CLCN5: variants seen among roughly 807,000 people sequenced by gnomAD.
The protein encoded by CLCN5 is Cl-/H+ antiporter 5.
Under a neutral mutation model 54.0 loss-of-function variants are expected in CLCN5, and 17 were observed. The ratio of observed to expected loss-of-function variants is 0.31; its 90% CI spans 0.22 to 0.47. The LOEUF (loss-of-function observed/expected upper bound fraction) is 0.47, where lower values mean the gene tolerates loss of function less well. Ranked by LOEUF, CLCN5 falls within the 20% of genes least tolerant of loss-of-function variation. The pLI is 1.00. For synonymous variants in CLCN5, 222 were observed against 233.0 expected (o/e 0.95, Z 0.43); for missense variants, 448 against 646.7 (o/e 0.69, Z 3.33).
chrX:49,944,281 C>T (rs1308002843), intron 3 of CLCN5, among the ~76,000 whole-genome samples: 16 of 111,724 alleles, frequency 1.4e-4, no homozygotes, highest in Non-Finnish European at 2.3e-4. Flanking sequence ...CTGAAGTTGC[C>T]TATCAGCTTA....
intron 9 of CLCN5, among the ~76,000 whole-genome samples, chrX:50,082,571 C>G (rs1216315097): frequency 9.0e-6 from 1 of 110,961 alleles, no homozygotes. Flanking sequence ...CCTCAGTCTC[C>G]CAAAGTGCTG....
chrX:49,979,934 A>C (rs1421453910), intron 3 of CLCN5, among the ~76,000 whole-genome samples: 1 of 111,323 alleles, frequency 9.0e-6, no homozygotes, highest in Non-Finnish European at 1.9e-5. Flanking sequence ...TTAAAAAAAA[A>C]ATTCTGCTGC....
chrX:49,970,442 C>G (rs1424066565), intron 3 of CLCN5, among the ~76,000 whole-genome samples: 1 of 111,178 alleles, frequency 9.0e-6, no homozygotes, highest in Admixed American at 9.6e-5. Flanking sequence ...CCTGAGCACT[C>G]TACCACCACT....
In CLCN5 at chrX:50,019,627, C is replaced by A. The variant is rs1485995406; in HGVS notation, c.17-22689C>A. ...TATCTCCCAATGCTATCCCTCCCCC[C>A]TCCCCCGACCCCACCACAGTCCCCA... On this transcript the variant is annotated intron_variant, in intron 3 of 14. Coordinates refer to ENST00000376091, the MANE Select transcript of CLCN5 (RefSeq NM_001127898.4). Among the ~76,000 whole-genome samples the A allele has an allele frequency of 3.4e-4, 16 of 46,547 alleles. No individual in the cohort carries two copies. The South Asian group carries it at 9.4e-3, about 27-fold the overall frequency. 40.4% of individuals were successfully genotyped at this position (46,547 alleles called of 115,157 possible).
chrX:50,086,675 C>A lies in CLCN5; in HGVS notation c.1362C>A (p.Leu454=), dbSNP rs1557194014. Residue 454 remains leucine, a synonymous_variant, in exon 11 of 15, where the codon CTC becomes CTA. Coordinates refer to ENST00000376091, the MANE Select transcript of CLCN5 (RefSeq NM_001127898.4). ...NEYTRMSTSE[L]ISELFNDCGL... Reference sequence around the variant, plus strand: ...ACACTCGGATGAGCACAAGTGAGCTCATTTCTGAGCTGTTTAATGACTGTG... The same window carrying A: ...ACACTCGGATGAGCACAAGTGAGCTAATTTCTGAGCTGTTTAATGACTGTG... 3 of 1,211,055 alleles carry A rather than the reference C, an allele frequency of 2.5e-6. No homozygotes were observed. The highest frequency in any genetic ancestry group is 3.0e-5 in the East Asian group (1 of 33,795).
chrX:50,064,629 A>G (rs1209259442), intron 4 of CLCN5, among the ~76,000 whole-genome samples: 6 of 100,324 alleles, frequency 6.0e-5, no homozygotes, highest in Middle Eastern at 4.9e-3. Context: ...CAAGCTACCA[A>G]TGACTTTCTT....
chrX:49,991,808 G>A (rs1160192237), intron 3 of CLCN5, among the ~76,000 whole-genome samples: 1 of 112,051 alleles, frequency 8.9e-6, no homozygotes, highest in Non-Finnish European at 1.9e-5. Flanking sequence ...TCCAAGGGTG[G>A]TGAGAATTTC....
intron 3 of CLCN5, among the ~76,000 whole-genome samples, chrX:49,931,000 C>A (rs1400718647): frequency 1.8e-5 from 2 of 111,195 alleles, no homozygotes; most frequent in African/African-American, 6.6e-5. Context: ...TAGTTCCTAG[C>A]TAGTGTGCCC....
At chrX:49,949,913 T>C (rs1332399944) in intron 3 of CLCN5, among the ~76,000 whole-genome samples, 1 of 112,095 alleles carries the variant, frequency 8.9e-6, no homozygotes, top group Non-Finnish European at 1.9e-5. Context: ...ATGTCAAAAA[T>C]TGAATGATCT....
At chrX:49,992,208 CTTT>C (rs200172433) in intron 3 of CLCN5, among the ~76,000 whole-genome samples, 10 of 84,164 alleles carry the variant, frequency 1.2e-4, no homozygotes, top group Admixed American at 2.6e-4. Context: ...CTCTTTTTTT[CTTT>C]TTTTTTTTTT....
intron 11 of CLCN5, chrX:50,088,282 A>T (rs1016105638): frequency 2.8e-5 from 4 of 141,248 alleles, no homozygotes; most frequent in African/African-American, 6.3e-5. Context: ...TGAATCTTGC[A>T]TGTAGAGCGT....
intron 3 of CLCN5, among the ~76,000 whole-genome samples, chrX:49,958,952 A>G (rs782258160): frequency 1.1e-4 from 12 of 111,955 alleles, no homozygotes; most frequent in African/African-American, 3.6e-4. Context: ...ACTTTGAAAA[A>G]TCTGCACCTG....
intron 4 of CLCN5, among the ~76,000 whole-genome samples, chrX:50,053,247 G>T (rs1369529507): frequency 9.0e-6 from 1 of 111,457 alleles, no homozygotes; most frequent in Admixed American, 9.5e-5. Flanking sequence ...AGATTTTTCT[G>T]TTTCTCCTGT....
At chrX:49,935,796 G>C (rs986546222) in intron 3 of CLCN5, among the ~76,000 whole-genome samples, 3 of 110,887 alleles carry the variant, frequency 2.7e-5, no homozygotes, top group Admixed American at 9.6e-5. Flanking sequence ...TAGTGAATGA[G>C]GCATAAAGGG....
At chrX:50,082,139 C>T (rs1557193289) in intron 9 of CLCN5, among the ~76,000 whole-genome samples, 1 of 111,500 alleles carries the variant, frequency 9.0e-6, no homozygotes. Context: ...TACTTTGCAA[C>T]CATTAAATGA....
chrX:50,037,737 C>T (rs188158600), intron 3 of CLCN5, among the ~76,000 whole-genome samples: 2 of 111,872 alleles, frequency 1.8e-5, no homozygotes, highest in South Asian at 7.5e-4. Flanking sequence ...AGAGAAAAGA[C>T]TAAATTGAGC....
At chrX:50,084,480 T>C (rs1933819932) in intron 9 of CLCN5, among the ~76,000 whole-genome samples, 1 of 110,383 alleles carries the variant, frequency 9.1e-6, no homozygotes, top group African/African-American at 3.3e-5. Flanking sequence ...CACCTGGGCT[T>C]GAGCAATTCT....
Position 50,080,630 on chromosome X carries a change from G to T in CLCN5, c.640G>T (p.Val214Phe). The change falls in exon 8 of 15, where the codon GTC (valine) becomes TTC (phenylalanine). Residue 214 changes from valine to phenylalanine, a missense_variant. By Grantham distance (50) the Val-to-Phe change is conservative. Coordinates refer to ENST00000376091, the MANE Select transcript of CLCN5 (RefSeq NM_001127898.4). ...FAYIVNYFMY[V>F]LWALLFAFLA... is the part of the protein sequence containing the mutation. Reference sequence around the variant, plus strand: ...CTACATAGTCAATTATTTCATGTACGTCCTCTGGGCTCTCCTATTTGCCTT... The same window carrying T: ...CTACATAGTCAATTATTTCATGTACTTCCTCTGGGCTCTCCTATTTGCCTT... 1 of 1,205,863 alleles carries T rather than the reference G, an allele frequency of 8.3e-7. No homozygotes were observed. The highest frequency in any genetic ancestry group is 1.1e-6 in the Non-Finnish European group (1 of 891,077).
intron 3 of CLCN5, among the ~76,000 whole-genome samples, chrX:50,007,440 T>TCTCTCA (rs1374630944): frequency 1.9e-4 from 13 of 69,515 alleles, no homozygotes; most frequent in Non-Finnish European, 2.7e-4. Flanking sequence ...TCTCTCTCTG[T>TCTCTCA]CACACACACA....
Sources: gnomAD v4.1 joint callset for allele counts (sites outside exome capture counted in the v4.1 genomes callset) on GRCh38, gnomAD v4.1.1 for gene constraint, MANE v1.5 for transcripts, NCBI Gene and HGNC (gene_info 2026-07-23, HGNC 2026-07-21) for gene names.